NBR1: variants seen among roughly 807,000 people sequenced by gnomAD.
The protein encoded by NBR1 is next to BRCA1 gene 1 protein.
Under a neutral mutation model 115.5 loss-of-function variants are expected in NBR1, and 59 were observed. The ratio of observed to expected loss-of-function variants is 0.51; its 90% CI spans 0.41 to 0.63. NBR1 has a LOEUF of 0.63. Among genes scored for constraint, NBR1 ranks in the 30% least tolerant of loss-of-function variants. The probability of loss-of-function intolerance (pLI) is 0.00; values close to 1 mark genes in which losing one functional copy is unlikely to be tolerated. For synonymous variants in NBR1, 373 were observed against 414.7 expected (o/e 0.90, Z 1.22); for missense variants, 1,043 against 1,150.5 (o/e 0.91, Z 1.35).
rs1177687383 is a variant in NBR1, at chr17:43,196,544, G to C, written c.1814G>C (p.Gly605Ala). 1 of 1,606,142 alleles carries C rather than the reference G, an allele frequency of 6.2e-7. No individual in the cohort carries two copies. The highest frequency in any genetic ancestry group is 8.5e-7 in the Non-Finnish European group (1 of 1,177,382). ...DSPLIEKPGL[G>A]QIEEENEGAG... ...CCTTTAATAGAGAAGCCAGGCTTGG[G>C]GCAGATAGAGGAAGAGAATGAAGGG... Residue 605 changes from glycine to alanine, a missense_variant, in exon 15 of 21, where the codon GGG becomes GCG. Gly to Ala is a moderately conservative substitution (Grantham distance 60). Transcript: ENST00000590996.
intron 5 of NBR1, among the ~76,000 whole-genome samples, chr17:43,181,116 G>T (rs2056653175): frequency 1.3e-5 from 2 of 152,172 alleles, no homozygotes; most frequent in South Asian, 4.1e-4. Context: ...CAAGCAATCT[G>T]CTGGCCTTGG....
At chr17:43,202,754 T>C (rs1232430942) in intron 19 of NBR1, 42 bp downstream of exon 19, 2 of 1,449,768 alleles carry the variant, frequency 1.4e-6, no homozygotes, top group Non-Finnish European at 1.9e-6. Flanking sequence ...AGCAGGTGGA[T>C]ATTCTTGTAT....
chr17:43,200,729 G>A (rs1413879175), intron 17 of NBR1, 121 bp downstream of exon 17: 2 of 820,972 alleles, frequency 2.4e-6, no homozygotes, highest in East Asian at 5.4e-5. Flanking sequence ...CCATAGCAAA[G>A]TCTGAATTTA....
At chr17:43,205,183 G>A (rs374263164) in intron 20 of NBR1, among the ~76,000 whole-genome samples, 5 of 151,838 alleles carry the variant, frequency 3.3e-5, no homozygotes, top group Non-Finnish European at 5.9e-5. Context: ...ATGAAACCCC[G>A]TCTCTACTAA....
At chr17:43,191,315 A>G in intron 9 of NBR1, 57 bp from the exon 10 acceptor site, 3 of 1,343,796 alleles carry the variant, frequency 2.2e-6, no homozygotes, top group Middle Eastern at 1.8e-4. Flanking sequence ...TTGGCTCCAC[A>G]TAGCTTCAGA....
intron 1 of NBR1, among the ~76,000 whole-genome samples, chr17:43,173,523 G>A (rs2056430095): frequency 6.6e-6 from 1 of 152,064 alleles, no homozygotes; most frequent in Non-Finnish European, 1.5e-5. Context: ...CGACTCAAAC[G>A]ATCTGCCTGC....
At chr17:43,175,324 G>A (rs2056483638) in intron 1 of NBR1, among the ~76,000 whole-genome samples, 2 of 152,130 alleles carry the variant, frequency 1.3e-5, no homozygotes, top group Admixed American at 6.5e-5. Flanking sequence ...AAGAATACAA[G>A]TTCCCTGAGG....
At chr17:43,172,643 T>C (rs1010536098) in intron 1 of NBR1, among the ~76,000 whole-genome samples, 2 of 152,090 alleles carry the variant, frequency 1.3e-5, no homozygotes, top group Non-Finnish European at 2.9e-5. Flanking sequence ...AAGAGACTAA[T>C]ATTATTTTGG....
intron 20 of NBR1, chr17:43,209,571 G>GCTGT: frequency 6.5e-7 from 1 of 1,535,088 alleles, no homozygotes; most frequent in Non-Finnish European, 8.7e-7. Context: ...TCTGGGGCTT[G>GCTGT]CTGTCATTCC....
chr17:43,192,722 A>T (rs1412829126), intron 10 of NBR1, among the ~76,000 whole-genome samples: 1 of 152,186 alleles, frequency 6.6e-6, no homozygotes, highest in African/African-American at 2.4e-5. Flanking sequence ...AGAAAGATAG[A>T]AACCACTAAA....
At position 43,199,707 on chromosome 17, in the gene NBR1, C is replaced by T. The variant is rs539026188; in HGVS notation, c.2027-460C>T. Among the ~76,000 whole-genome samples the T allele has an allele frequency of 3.9e-5, 6 of 152,190 alleles. No individual in the cohort carries two copies. In the East Asian group the frequency reaches 1.2e-3, roughly 29 times the overall value. On this transcript the variant is annotated intron_variant, in intron 16 of 20. Coordinates refer to ENST00000590996, the MANE Select transcript of NBR1 (RefSeq NM_005899.5). ...GCTTTTTTCTATCCTTTTTTACCCT[C>T]TCAAACATGATTGGCCAGTTTTCTC... is the stretch of plus-strand genomic sequence containing the variant.
At chr17:43,205,951 G>C (rs1378302352) in intron 20 of NBR1, among the ~76,000 whole-genome samples, 5 of 151,282 alleles carry the variant, frequency 3.3e-5, no homozygotes, top group Non-Finnish European at 7.4e-5. Context: ...AGGCTGAGGC[G>C]GGTGGATCAT....
At chr17:43,189,502 G>A in intron 7 of NBR1, 86 bp from the exon 8 acceptor site, 1 of 897,632 alleles carries the variant, frequency 1.1e-6, no homozygotes, top group East Asian at 2.4e-5. Flanking sequence ...ACCAGAGACA[G>A]TTAGGTTTCA....
chr17:43,189,109 A>C lies in NBR1; in HGVS notation c.470A>C (p.Tyr157Ser). ...QDKPPDWFTS[Y>S]LETFREQVVN... ...AAGCCCCCAGACTGGTTCACAAGCT[A>C]CCTGGAGACGGTGAGTGTTCTGTCT... Residue 157 changes from tyrosine (Y) to serine (S), a missense_variant, in exon 7 of 21, where the codon TAC becomes TCC. By Grantham distance (144) the Tyr-to-Ser change is moderately radical. Coordinates refer to ENST00000590996, the MANE Select transcript of NBR1 (RefSeq NM_005899.5). 6.2e-7 allele frequency: 1 copy of C among 1,609,540 alleles called. No homozygotes were observed. The highest frequency in any genetic ancestry group is 8.5e-7 in the Non-Finnish European group (1 of 1,175,846).
chr17:43,192,655 C>T (rs1297486494), intron 10 of NBR1, among the ~76,000 whole-genome samples: 1 of 152,202 alleles, frequency 6.6e-6, no homozygotes, highest in Non-Finnish European at 1.5e-5. Flanking sequence ...AGGCGTGAGC[C>T]ACCGCGCCTG....
chr17:43,205,380 G>A (rs2057294100), intron 20 of NBR1, among the ~76,000 whole-genome samples: 1 of 152,120 alleles, frequency 6.6e-6, no homozygotes, highest in Admixed American at 6.6e-5. Flanking sequence ...CTATGCCAGT[G>A]CTATCAGACA....
rs1224878868 is a variant in NBR1 at position 43,193,208 on chromosome 17, G to A, written c.1188G>A (p.Trp396Ter). The change falls in exon 11 of 21, where the codon TGG (tryptophan) becomes TGA (stop). Residue 396 changes from tryptophan to a stop codon, truncating the protein, a stop_gained. Transcript: ENST00000590996. LOFTEE classifies it high-confidence loss of function. ...LQPGTKFIKH[W>*]RMKNTGNVKW... ...CAGGAACCAAGTTTATCAAACACTG[G>A]AGGATGAAAAATACAGGAAATGTAA... The A allele has an allele frequency of 6.2e-7, 1 of 1,613,874 alleles. No individual in the cohort carries two copies. The highest frequency in any genetic ancestry group is 8.5e-7 in the Non-Finnish European group (1 of 1,179,894).
intron 1 of NBR1, among the ~76,000 whole-genome samples, chr17:43,171,685 C>T (rs1217021108): frequency 1.3e-5 from 2 of 152,206 alleles, no homozygotes; most frequent in Non-Finnish European, 2.9e-5. Flanking sequence ...AATGACACTA[C>T]TTACACATCC....
chr17:43,200,311 A>C lies in NBR1; in HGVS notation c.2171A>C (p.Gln724Pro). ...EDELKDEVQS[Q>P]SSASSEDYII... ...GAGCTCAAAGATGAAGTTCAAAGTC[A>C]GTCCTCTGCTTCCTCAGAGGATTAC... is the stretch of plus-strand genomic sequence containing the variant. Residue 724 changes from glutamine to proline, a missense_variant, in exon 17 of 21, where the codon CAG (glutamine) becomes CCG (proline). By Grantham distance (76) the Gln-to-Pro change is moderately conservative (BLOSUM62 -1). Coordinates refer to ENST00000590996, the MANE Select transcript of NBR1 (RefSeq NM_005899.5). The C allele has an allele frequency of 5.2e-6, 8 of 1,552,260 alleles. No individual in the cohort carries two copies. The highest frequency in any genetic ancestry group is 7.0e-6 in the Non-Finnish European group (8 of 1,147,210).
Sources: allele counts gnomAD v4.1 joint callset (sites outside exome capture counted in the v4.1 genomes callset), GRCh38; gene constraint gnomAD v4.1.1; transcripts MANE v1.5; gene names NCBI Gene and HGNC (gene_info 2026-07-23, HGNC 2026-07-21).